The following DNAH9 variants were observed in gnomAD, a reference collection of about 807,000 sequenced individuals.
The protein encoded by DNAH9 is dynein axonemal heavy chain 9, also known as DNAH9 variant protein.
A neutral mutation model predicts 471.6 loss-of-function variants in DNAH9; 345 were observed. The ratio of observed to expected loss-of-function variants is 0.73; its 90% CI spans 0.67 to 0.80. The LOEUF is 0.80. Ranked by LOEUF, DNAH9 falls within the 30% of genes least tolerant of loss-of-function variation. The pLI is 0.00. For synonymous variants in DNAH9, 2,093 were observed against 2,123.6 expected (o/e 0.99, Z 0.40); for missense variants, 5,407 against 5,609.2 (o/e 0.96, Z 1.15).
At chr17:11,665,847 A>G (rs186324218) in intron 15 of DNAH9, among the ~76,000 whole-genome samples, 35 of 152,344 alleles carry the variant, frequency 2.3e-4, no homozygotes, top group Middle Eastern at 3.4e-3. Flanking sequence ...TAAATAGTCC[A>G]AGGCCAGTGT....
At chr17:11,844,562 T>C (rs1478184405) in intron 49 of DNAH9, among the ~76,000 whole-genome samples, 2 of 152,018 alleles carry the variant, frequency 1.3e-5, no homozygotes, top group Non-Finnish European at 2.9e-5. Context: ...CACACCACCA[T>C]GCCCGACTAA....
chr17:11,679,692 C>A, intron 17 of DNAH9, 65 bp from the exon 18 acceptor site: 1 of 1,167,424 alleles, frequency 8.6e-7, no homozygotes, highest in South Asian at 1.2e-5. Flanking sequence ...TTGGGGAAAT[C>A]AATACATCTG....
chr17:11,652,317 G>A (rs747822446), intron 13 of DNAH9, among the ~76,000 whole-genome samples: 54 of 110,838 alleles, frequency 4.9e-4, no homozygotes, highest in East Asian at 2.9e-4. Context: ...ACAGAGTCTC[G>A]CTCTGTCACC....
chr17:11,770,561 A>C (rs1968166009), intron 38 of DNAH9, among the ~76,000 whole-genome samples: 1 of 152,090 alleles, frequency 6.6e-6, no homozygotes, highest in Non-Finnish European at 1.5e-5. Context: ...TTCTTCACCT[A>C]TTTCAAACTC....
rs1973070821 is a variant in DNAH9 at position 11,892,082 on chromosome 17, A to G, written c.11283+135A>G. 3 of 1,064,208 alleles carry G rather than the reference A, an allele frequency of 2.8e-6. No individual in the cohort carries two copies. In the South Asian group the frequency reaches 4.6e-5, roughly 16 times the overall value. 65.9% of individuals were successfully genotyped at this position (1,064,208 alleles called of 1,614,324 possible). On this transcript the variant is annotated intron_variant, in intron 58 of 68. Transcript: ENST00000262442. The surrounding 1 kb of genome is among the most constrained non-coding windows in gnomAD (Gnocchi z 4.3). ...CTATCTGTCTTTGGATAGAGGCATC[A>G]GACAAGAAGGTCCAATGTGGTGTGT...
chr17:11,902,697 C>T, intron 59 of DNAH9, 22 bp from the exon 60 acceptor site: 1 of 1,602,068 alleles, frequency 6.2e-7, no homozygotes, highest in South Asian at 1.1e-5. Flanking sequence ...AACTGCATTT[C>T]AGATTCTCTG....
chr17:11,812,065 A>C (rs1371626870), intron 45 of DNAH9, among the ~76,000 whole-genome samples: 1 of 134,936 alleles, frequency 7.4e-6, no homozygotes, highest in Non-Finnish European at 1.6e-5. Context: ...ACACATACAT[A>C]CACACATACA....
intron 49 of DNAH9, among the ~76,000 whole-genome samples, chr17:11,847,989 G>C (rs1971285721): frequency 6.6e-6 from 1 of 151,702 alleles, no homozygotes; most frequent in Non-Finnish European, 1.5e-5. Context: ...TGTCTCTCCA[G>C]GTTCTGCTAA....
intron 45 of DNAH9, among the ~76,000 whole-genome samples, chr17:11,813,676 G>C (rs1039592761): frequency 6.6e-6 from 1 of 152,132 alleles, no homozygotes; most frequent in African/African-American, 2.4e-5. Context: ...CATGCCCTGG[G>C]CGGAGTTTCC....
At chr17:11,723,696 C>T (rs1357076742) in intron 27 of DNAH9, among the ~76,000 whole-genome samples, 2 of 151,166 alleles carry the variant, frequency 1.3e-5, no homozygotes, top group Admixed American at 1.3e-4. Context: ...GAGATGGAGT[C>T]TCGCTCTGTC....
At chr17:11,825,059 AT>A (rs1216832788) in intron 48 of DNAH9, among the ~76,000 whole-genome samples, 1 of 152,108 alleles carries the variant, frequency 6.6e-6, no homozygotes, top group Non-Finnish European at 1.5e-5. Context: ...GCATGTGCAA[AT>A]TATCTGTGAT....
intron 45 of DNAH9, among the ~76,000 whole-genome samples, chr17:11,814,053 T>A (rs1231173405): frequency 6.6e-6 from 1 of 152,098 alleles, no homozygotes; most frequent in Admixed American, 6.5e-5. Context: ...GAAATGTGAG[T>A]CCTTGCTGGA....
At chr17:11,778,355 AAAAAAAAG>A (rs1968536218) in intron 38 of DNAH9, among the ~76,000 whole-genome samples, 37 of 138,264 alleles carry the variant, frequency 2.7e-4, no homozygotes, top group South Asian at 2.4e-3. Context: ...AAAAAAAAAA[AAAAAAAAG>A]AAAAGGGAAG....
In DNAH9 at chr17:11,674,280, A is replaced by G. The variant is rs891761368; in HGVS notation, c.3353+4486A>G. Among the ~76,000 whole-genome samples the G allele has an allele frequency of 6.6e-5, 10 of 152,338 alleles. No homozygotes were observed. The East Asian group carries it at 1.7e-3, about 27-fold the overall frequency. On this transcript the variant is annotated intron_variant, in intron 17 of 68. Coordinates refer to ENST00000262442, the MANE Select transcript of DNAH9 (RefSeq NM_001372.4). The stretch of plus-strand genomic sequence containing the variant: ...GGAATTGCTAAGTCAAAGAGTATGC[A>G]TATAATGCCAAGCTCCTTCCAAGGT...
chr17:11,960,198 G>C (rs1439929099), intron 67 of DNAH9, among the ~76,000 whole-genome samples: 1 of 152,118 alleles, frequency 6.6e-6, no homozygotes, highest in Admixed American at 6.5e-5. Flanking sequence ...CATTTTGGGA[G>C]GCCAAGGCGG....
Position 11,599,656 on chromosome 17 carries a change from T to G in DNAH9, c.417+741T>G, listed in dbSNP as rs1475868580. Among the ~76,000 whole-genome samples the G allele has an allele frequency of 2.0e-5, 3 of 152,118 alleles. No individual in the cohort carries two copies. The East Asian group carries it at 5.8e-4, about 29-fold the overall frequency. On this transcript the variant is annotated intron_variant, in intron 1 of 68. Coordinates refer to ENST00000262442, the MANE Select transcript of DNAH9 (RefSeq NM_001372.4). ...AGAAGCTTCGAGAATGCAGGAGATTTCAGGGAAGTGCTCCAGAGAGATTCC... is the reference window on the plus strand; with the variant it reads ...AGAAGCTTCGAGAATGCAGGAGATTGCAGGGAAGTGCTCCAGAGAGATTCC...
At chr17:11,860,691 A>G (rs527667354) in intron 50 of DNAH9, among the ~76,000 whole-genome samples, 1 of 152,190 alleles carries the variant, frequency 6.6e-6, no homozygotes, top group South Asian at 2.1e-4. Context: ...TCTTCCGAGT[A>G]GCTGGGATTA....
intron 19 of DNAH9, among the ~76,000 whole-genome samples, chr17:11,684,638 G>A (rs186882377): frequency 3.7e-4 from 56 of 152,258 alleles, no homozygotes; most frequent in Middle Eastern, 6.8e-3. Flanking sequence ...AGGGATTACT[G>A]AGCCAAAATA....
chr17:11,870,057 C>T (rs1972206794), intron 51 of DNAH9, among the ~76,000 whole-genome samples: 1 of 152,160 alleles, frequency 6.6e-6, no homozygotes, highest in African/African-American at 2.4e-5. Flanking sequence ...CGCATTCCCT[C>T]TAGCAGGGTA....
Sources: gnomAD v4.1 joint callset for allele counts (sites outside exome capture counted in the v4.1 genomes callset) on GRCh38, gnomAD v4.1.1 for gene constraint, Gnocchi (gnomAD v3.1) non-coding constraint, MANE v1.5 for transcripts, NCBI Gene and HGNC (gene_info 2026-07-23, HGNC 2026-07-21) for gene names.